Variants in TMEM132B observed in about 807,000 individuals in gnomAD.
TMEM132B encodes the protein transmembrane protein 132B.
Under a neutral mutation model 90.8 loss-of-function variants are expected in TMEM132B, and 18 were observed. That is an observed-to-expected ratio of 0.20 (90% confidence interval 0.14 to 0.29). TMEM132B has a LOEUF of 0.29. Ranked by LOEUF, TMEM132B falls within the 10% of genes least tolerant of loss-of-function variation. TMEM132B has a pLI of 1.00. For missense variants in TMEM132B, 1,096 were observed against 1,326.8 expected, an observed-to-expected ratio of 0.83 and a Z score of 2.70; for synonymous variants, 504 against 523.3, an observed-to-expected ratio of 0.96 and a Z score of 0.50.
Position 125,213,067 on chromosome 12 carries a change from C to T in TMEM132B, c.67+26201C>T, listed in dbSNP as rs1402036419. Among the ~76,000 whole-genome samples the T allele has an allele frequency of 6.6e-6, 1 of 152,226 alleles. No individual in the cohort carries two copies. The highest frequency in any genetic ancestry group is 1.9e-4 in the East Asian group (1 of 5,196). ...CTCCCAAATGGAAGTCCCGTACCCA[C>T]TAGCGGTCACTCCCTACTGCCTTCA... On this transcript the variant is annotated intron_variant, in intron 1 of 8. Coordinates refer to ENST00000682704, the MANE Select transcript of TMEM132B (RefSeq NM_001366854.1). The surrounding 1 kb of genome is among the most constrained non-coding windows in gnomAD (Gnocchi z 4.2).
At chr12:125,562,828 G>A (rs577877895) in intron 4 of TMEM132B, among the ~76,000 whole-genome samples, 12 of 152,106 alleles carry the variant, frequency 7.9e-5, no homozygotes, top group African/African-American at 1.4e-4. Flanking sequence ...CTTATGCCAC[G>A]GTGGTGAGGT....
chr12:125,649,507 T>G (rs146774696), intron 6 of TMEM132B, among the ~76,000 whole-genome samples: 2,700 of 152,328 alleles, frequency 0.018, 43 homozygotes, highest in South Asian at 0.05. Context: ...TCCTCATTGG[T>G]AAGATCAGGG....
intron 3 of TMEM132B, among the ~76,000 whole-genome samples, chr12:125,480,834 G>C (rs886752152): frequency 1.3e-5 from 2 of 152,286 alleles, no homozygotes; most frequent in Admixed American, 6.5e-5. Flanking sequence ...CAATATCCCT[G>C]ATGAACATCA....
intron 4 of TMEM132B, among the ~76,000 whole-genome samples, chr12:125,537,882 C>T (rs1239873660): frequency 1.3e-5 from 2 of 152,136 alleles, no homozygotes; most frequent in Admixed American, 1.3e-4. Flanking sequence ...CCTCAGTGTC[C>T]CCACTTGCAA....
At chr12:125,260,347 A>G (rs1874535339) in intron 1 of TMEM132B, among the ~76,000 whole-genome samples, 1 of 152,096 alleles carries the variant, frequency 6.6e-6, no homozygotes, top group South Asian at 2.1e-4. Flanking sequence ...TACAAACTCT[A>G]TTATGACTTA....
intron 5 of TMEM132B, among the ~76,000 whole-genome samples, chr12:125,620,674 A>C (rs1391918838): frequency 6.6e-6 from 1 of 152,268 alleles, no homozygotes; most frequent in Non-Finnish European, 1.5e-5. Context: ...ATTGACACAC[A>C]GTTCAGCATG....
At chr12:125,342,496 A>G (rs1877214840) in intron 1 of TMEM132B, among the ~76,000 whole-genome samples, 1 of 152,194 alleles carries the variant, frequency 6.6e-6, no homozygotes, top group African/African-American at 2.4e-5. Context: ...GGTCTCTGCA[A>G]AACCACTCTT....
intron 3 of TMEM132B, among the ~76,000 whole-genome samples, chr12:125,505,188 A>C (rs1053063865): frequency 2.0e-5 from 3 of 146,840 alleles, no homozygotes; most frequent in Non-Finnish European, 4.4e-5. Context: ...AAAAAAAAAA[A>C]AAAAAAACAG....
chr12:125,440,260 T>C (rs1321685934), intron 3 of TMEM132B, among the ~76,000 whole-genome samples: 1 of 152,228 alleles, frequency 6.6e-6, no homozygotes, highest in Non-Finnish European at 1.5e-5. Context: ...GGATATGCTC[T>C]TGGTGTTTTG....
rs1887193041 is a variant in TMEM132B at position 125,660,873 on chromosome 12, G to A, written c.*6163G>A. On this transcript the variant is annotated 3_prime_UTR_variant, in exon 9 of 9. Coordinates refer to ENST00000682704, the MANE Select transcript of TMEM132B (RefSeq NM_001366854.1). The stretch of plus-strand genomic sequence containing the variant: ...TCTTTAGATGCTGCAGGAACTGAGA[G>A]GATAGAAGACCTCTCTATACATCTA... 1 of 152,212 alleles carries A rather than the reference G, an allele frequency of 6.6e-6. No homozygotes were observed. The highest frequency in any genetic ancestry group is 6.5e-5 in the Admixed American group (1 of 15,284). 9.4% of individuals were successfully genotyped at this position (152,212 alleles called of 1,614,324 possible).
In TMEM132B at chr12:125,535,554, A is replaced by AT. The variant is rs1176651983; in HGVS notation, c.1293+15936dup. On this transcript the variant is annotated intron_variant, in intron 4 of 8. Transcript: ENST00000682704. ...CACAATTCTCCTACTTTTTTGTGAA[A>AT]TTTTTTTAATGAAGGAGGAAAGATT... 7.2e-5 allele frequency among the ~76,000 whole-genome samples: 11 copies of AT among 152,254 alleles called. No homozygotes were observed. The East Asian group carries it at 2.1e-3, about 29-fold the overall frequency.
At chr12:125,272,240 A>G (rs531087555) in intron 1 of TMEM132B, among the ~76,000 whole-genome samples, 2 of 152,346 alleles carry the variant, frequency 1.3e-5, no homozygotes, top group Admixed American at 6.5e-5. Context: ...GACTTGGGAA[A>G]GGGCTGTGGA....
intron 5 of TMEM132B, among the ~76,000 whole-genome samples, chr12:125,603,490 T>C (rs1426223861): frequency 1.3e-5 from 2 of 151,990 alleles, no homozygotes; most frequent in Non-Finnish European, 2.9e-5. Flanking sequence ...CCCCAAACCA[T>C]AAAAACCCCA....
intron 3 of TMEM132B, among the ~76,000 whole-genome samples, chr12:125,479,822 A>G (rs113203004): frequency 0.014 from 2,060 of 152,308 alleles, 47 homozygotes; most frequent in African/African-American, 0.045. Context: ...TCAGCACCAC[A>G]TCTCACTTAT....
At chr12:125,485,059 A>G (rs1225035693) in intron 3 of TMEM132B, among the ~76,000 whole-genome samples, 1 of 152,204 alleles carries the variant, frequency 6.6e-6, no homozygotes, top group African/African-American at 2.4e-5. Context: ...GCTCTGAAAC[A>G]TGGGATGATG....
rs955311022 is a variant in TMEM132B, at chr12:125,209,834, A to G, written c.67+22968A>G. Among the ~76,000 whole-genome samples the G allele has an allele frequency of 1.3e-5, 2 of 152,208 alleles. No homozygotes were observed. The highest frequency in any genetic ancestry group is 6.5e-5 in the Admixed American group (1 of 15,282). ...TTGTGGAACATGAAATTGTTCCCCA[A>G]TCCTGATTTCTTTTCTCCTTCACTG... On this transcript the variant is annotated intron_variant, in intron 1 of 8. Coordinates refer to ENST00000682704, the MANE Select transcript of TMEM132B (RefSeq NM_001366854.1). The surrounding 1 kb of genome is among the most constrained non-coding windows in gnomAD (Gnocchi z 4.4).
intron 5 of TMEM132B, among the ~76,000 whole-genome samples, chr12:125,615,716 T>G (rs757301383): frequency 4.6e-5 from 7 of 152,204 alleles, no homozygotes; most frequent in Non-Finnish European, 8.8e-5. Flanking sequence ...CTTTCAACTC[T>G]TTGTTACATT....
intron 1 of TMEM132B, among the ~76,000 whole-genome samples, chr12:125,207,214 G>A (rs560876010): frequency 5.9e-5 from 9 of 152,202 alleles, no homozygotes; most frequent in South Asian, 2.1e-4. Flanking sequence ...CAGTGGGGCC[G>A]GTAGCACTGG....
At chr12:125,404,856 G>A (rs2136327016) in intron 2 of TMEM132B, among the ~76,000 whole-genome samples, 1 of 152,284 alleles carries the variant, frequency 6.6e-6, no homozygotes, top group East Asian at 1.9e-4. Context: ...AAGCAAAGAT[G>A]TCAGAATTTA....
Sources: allele counts gnomAD v4.1 joint callset (sites outside exome capture counted in the v4.1 genomes callset), GRCh38; gene constraint gnomAD v4.1.1; non-coding constraint Gnocchi (gnomAD v3.1); transcripts MANE v1.5; gene names NCBI Gene and HGNC (gene_info 2026-07-23, HGNC 2026-07-21).